The following PLA2G4F variants were observed in gnomAD, a reference collection of about 807,000 sequenced individuals.
The protein encoded by PLA2G4F is cytosolic phospholipase A2 zeta.
Under a neutral mutation model 103.1 loss-of-function variants are expected in PLA2G4F, and 105 were observed. That is an observed-to-expected ratio of 1.02 (90% CI 0.87 to 1.20). PLA2G4F has a LOEUF of 1.20. Among genes scored for constraint, PLA2G4F ranks in the 50% most tolerant of loss-of-function variants. The pLI, the probability that PLA2G4F is intolerant of heterozygous loss-of-function variation, is 0.00. For missense variants in PLA2G4F, 1,155 were observed against 1,075.9 expected, an observed-to-expected ratio of 1.07 and a Z score of -1.03; for synonymous variants, 468 against 441.1, an observed-to-expected ratio of 1.06 and a Z score of -0.76.
rs375152317 is a variant in PLA2G4F, at chr15:42,144,528, C to A, written c.1897G>T (p.Ala633Ser). The stretch of plus-strand genomic sequence containing the variant: ...CCCCGGGTGAAGTTAAAGCTCTGGG[C>A]GGAAGTGAAGCGGGAGGTGAATATG... ...LDIFTSRFTSAQSFNFTRGLC... is the reference protein window; with the variant it reads ...LDIFTSRFTSSQSFNFTRGLC... The change falls in exon 17 of 20, where the codon GCC (alanine) becomes TCC (serine). Residue 633 changes from alanine to serine, a missense_variant. Around this residue, in one of 3 missense-constraint regions of PLA2G4F, gnomAD observed 782 missense variants for 692.9 expected, o/e 1.13. Coordinates refer to ENST00000397272, the MANE Select transcript of PLA2G4F (RefSeq NM_213600.4). 3 of 1,612,628 alleles carry A rather than the reference C, an allele frequency of 1.9e-6. No individual in the cohort carries two copies. The highest frequency in any genetic ancestry group is 3.3e-5 in the Admixed American group (2 of 60,008).
In PLA2G4F at chr15:42,144,597, T is replaced by C; in HGVS notation, c.1828A>G (p.Arg610Gly). Residue 610 changes from arginine (R) to glycine (G), a missense_variant, in exon 17 of 20, where the codon AGG becomes GGG. Physicochemically the swap from Arg to Gly is moderately radical, Grantham distance 125. Transcript: ENST00000397272. ...QLHNPSRLRTRLLTPQGPFSQ... is the reference protein window; with the variant it reads ...QLHNPSRLRTGLLTPQGPFSQ... Reference sequence around the variant, plus strand: ...AAGGGCCCCTGTGGGGTGAGGAGCCTCGTTCGCAGCCTCGAGGGGTTGTGC... The same window carrying C: ...AAGGGCCCCTGTGGGGTGAGGAGCCCCGTTCGCAGCCTCGAGGGGTTGTGC... 6.2e-7 allele frequency: 1 copy of C among 1,612,174 alleles called. No homozygotes were observed. The highest frequency in any genetic ancestry group is 8.5e-7 in the Non-Finnish European group (1 of 1,178,966).
Position 42,145,638 on chromosome 15 carries a change from G to C in PLA2G4F, c.1717C>G (p.Leu573Val), listed in dbSNP as rs369238792. ...AFATSLDEIF[L>V]KTAGSGLSFL... is the part of the protein sequence containing the mutation. ...CTGAGGCCCGAGCCGGCGGTCTTTA[G>C]GAAGATCTCATCCAGGCTGGTGGCA... Residue 573 changes from leucine (L) to valine (V), a missense_variant, in exon 16 of 20, where the codon CTA becomes GTA. Around this residue, in one of 3 missense-constraint regions of PLA2G4F, gnomAD observed 782 missense variants for 692.9 expected, o/e 1.13. Transcript: ENST00000397272. The C allele has an allele frequency of 3.1e-6, 5 of 1,614,012 alleles. No individual in the cohort carries two copies. The highest frequency in any genetic ancestry group is 8.5e-7 in the Non-Finnish European group (1 of 1,180,026).
intron 1 of PLA2G4F, 111 bp from the exon 2 acceptor site, chr15:42,155,700 G>C: frequency 9.3e-7 from 1 of 1,074,422 alleles, no homozygotes; most frequent in Non-Finnish European, 1.4e-6. Flanking sequence ...GGTCACTGAC[G>C]TCTCTGTGCC....
intron 1 of PLA2G4F, 147 bp downstream of exon 1, chr15:42,156,291 TA>T: frequency 1.7e-6 from 1 of 598,736 alleles, no homozygotes; most frequent in Non-Finnish European, 3.0e-6. Flanking sequence ...AGCCAAGGTC[TA>T]ATTTAAGCTC....
In PLA2G4F at chr15:42,142,565, G is replaced by A. The variant is rs2048836152; in HGVS notation, c.2292C>T (p.Pro764=). 1 of 1,614,034 alleles carries A rather than the reference G, an allele frequency of 6.2e-7. No homozygotes were observed. Among genetic ancestry groups the A allele is most frequent in the African/African-American group, 1.3e-5 (1 of 75,044 alleles). ...DPRSPIVLHF[P]LVNRTFRTHL... is the part of the protein sequence containing the mutation. ...GTGTGCGGAAGGTACGGTTAACCAGGGGGAAGTGCAGCACAATGGGGGAGC... is the reference window on the plus strand; with the variant it reads ...GTGTGCGGAAGGTACGGTTAACCAGAGGGAAGTGCAGCACAATGGGGGAGC... Residue 764 remains proline, a synonymous_variant, in exon 19 of 20, where the codon CCC becomes CCT. Transcript: ENST00000397272.
chr15:42,147,453 C>T (rs1304474030), intron 12 of PLA2G4F, 107 bp from the exon 13 acceptor site: 1 of 1,383,184 alleles, frequency 7.2e-7, no homozygotes, highest in East Asian at 2.3e-5. Flanking sequence ...TGCACTGCTG[C>T]CCTGCAAACA....
chr15:42,151,613 T>A, intron 7 of PLA2G4F: 7 of 985,268 alleles, frequency 7.1e-6, no homozygotes, highest in Non-Finnish European at 7.2e-6. Flanking sequence ...CTACAGCCCC[T>A]CCTTGCACTA....
In PLA2G4F at chr15:42,144,600, T is replaced by C; in HGVS notation, c.1825A>G (p.Thr609Ala). 6.2e-7 allele frequency: 1 copy of C among 1,612,016 alleles called. No homozygotes were observed. Among genetic ancestry groups the C allele is most frequent in the Non-Finnish European group, 8.5e-7 (1 of 1,178,838 alleles). Residue 609 changes from threonine (T) to alanine (A), a missense_variant, in exon 17 of 20, where the codon ACG (threonine) becomes GCG (alanine). Physicochemically the swap from Thr to Ala is moderately conservative, Grantham distance 58. Around this residue, in one of 3 missense-constraint regions of PLA2G4F, gnomAD observed 782 missense variants for 692.9 expected, o/e 1.13. Coordinates refer to ENST00000397272, the MANE Select transcript of PLA2G4F (RefSeq NM_213600.4). The part of the protein sequence containing the change: ...PQLHNPSRLR[T>A]RLLTPQGPFS... ...GGCCCCTGTGGGGTGAGGAGCCTCG[T>C]TCGCAGCCTCGAGGGGTTGTGCAGC...
In PLA2G4F at chr15:42,145,911, C is replaced by A; in HGVS notation, c.1535-8G>T. 2 of 1,613,384 alleles carry A rather than the reference C, an allele frequency of 1.2e-6. No individual in the cohort carries two copies. The highest frequency in any genetic ancestry group is 1.7e-6 in the Non-Finnish European group (2 of 1,179,654). On this transcript the variant is annotated splice_polypyrimidine_tract_variant and splice_region_variant and intron_variant, in intron 14 of 19. Transcript: ENST00000397272. ...GCGTGAACTCGCACCACTCTAGGGG[C>A]CCGAGTGAAGGGAAAGTCACCAGGG...
At chr15:42,156,408 C>T (rs1478791073) in intron 1 of PLA2G4F, 31 bp downstream of exon 1, 10 of 1,535,622 alleles carry the variant, frequency 6.5e-6, no homozygotes, top group African/African-American at 2.7e-5. Flanking sequence ...TCCCCCAGTC[C>T]GGGTTTCCCA....
intron 1 of PLA2G4F, among the ~76,000 whole-genome samples, chr15:42,155,905 C>A (rs1377155505): frequency 6.6e-6 from 1 of 152,174 alleles, no homozygotes; most frequent in Non-Finnish European, 1.5e-5. Context: ...AGCTTGGGAG[C>A]AGCTGTGAGA....
At chr15:42,149,512 C>T (rs1299082519) in intron 11 of PLA2G4F, 5 of 985,434 alleles carry the variant, frequency 5.1e-6, no homozygotes, top group South Asian at 4.7e-5. Context: ...TTTGTTACGG[C>T]GGCCCACATA....
chr15:42,143,585 A>T (rs901630100), intron 18 of PLA2G4F, among the ~76,000 whole-genome samples: 2 of 151,976 alleles, frequency 1.3e-5, no homozygotes, highest in Admixed American at 6.6e-5. Flanking sequence ...ATCAGAGGGG[A>T]CCCTCATGGC....
chr15:42,149,677 G>A, intron 11 of PLA2G4F, 36 bp downstream of exon 11: 4 of 1,612,860 alleles, frequency 2.5e-6, no homozygotes, highest in Non-Finnish European at 3.4e-6. Flanking sequence ...TTTAGTCCTA[G>A]AGGCTCTGGG....
At chr15:42,154,984 ACT>A (rs2048999260) in intron 2 of PLA2G4F, among the ~76,000 whole-genome samples, 1 of 151,440 alleles carries the variant, frequency 6.6e-6, no homozygotes, top group Non-Finnish European at 1.5e-5. Flanking sequence ...CATGTGTAGT[ACT>A]CTCACACTGG....
At position 42,141,879 on chromosome 15, in the gene PLA2G4F, A is replaced by G. The variant is rs2048829216; in HGVS notation, c.*105T>C. On this transcript the variant is annotated 3_prime_UTR_variant, in exon 20 of 20. Transcript: ENST00000397272. ...CACCTCGAGGCAGGTCCTGGAGAGA[A>G]GGGAAGCAGATCCTGCACAGAGTCC... 1.6e-6 allele frequency: 2 copies of G among 1,215,384 alleles called. No homozygotes were observed. The highest frequency in any genetic ancestry group is 2.4e-5 in the East Asian group (1 of 42,230). 75.3% of individuals were successfully genotyped at this position (1,215,384 alleles called of 1,614,324 possible).
chr15:42,150,510 A>C, intron 8 of PLA2G4F, 24 bp from the exon 9 acceptor site: 1 of 1,607,284 alleles, frequency 6.2e-7, no homozygotes, highest in Non-Finnish European at 8.5e-7. Flanking sequence ...AACACCCAAG[A>C]AGCTCTCCAG....
rs1347706583 is a variant in PLA2G4F at position 42,149,830 on chromosome 15, T to C, written c.942A>G (p.Leu314=). The change falls in exon 11 of 20, where the codon CTA becomes CTG. Residue 314 remains leucine, a synonymous_variant. Transcript: ENST00000397272. ...CGTCAGAGAGGTCAAAGCCAAGGCG[T>C]AGGTCTAGGTCCCCGGAGCTGCCTC... is the stretch of plus-strand genomic sequence containing the variant. ...KVEMSSGDLD[L]RLGFDLSDGE... The C allele has an allele frequency of 6.2e-6, 10 of 1,614,046 alleles. No individual in the cohort carries two copies. Among genetic ancestry groups the C allele is most frequent in the Non-Finnish European group, 7.6e-6 (9 of 1,180,028 alleles).
At chr15:42,153,193 G>T in intron 6 of PLA2G4F, 107 bp downstream of exon 6, 2 of 1,302,098 alleles carry the variant, frequency 1.5e-6, no homozygotes, top group Non-Finnish European at 1.1e-6. Flanking sequence ...TCCCCTCCGA[G>T]GAGGGCTTGG....
Sources: allele counts gnomAD v4.1 joint callset (sites outside exome capture counted in the v4.1 genomes callset), GRCh38; gene constraint gnomAD v4.1.1; regional missense constraint gnomAD v4.1.1; transcripts MANE v1.5; gene names NCBI Gene and HGNC (gene_info 2026-07-23, HGNC 2026-07-21).